The following MERTK variants were observed in gnomAD, a reference collection of about 807,000 sequenced individuals.
The protein encoded by MERTK is tyrosine-protein kinase Mer.
A neutral mutation model predicts 99.3 loss-of-function variants in MERTK; 69 were observed. That is an observed-to-expected ratio of 0.70 (90% CI 0.57 to 0.85). MERTK has a LOEUF of 0.85. MERTK is among the 40% of genes least tolerant of loss of function. The pLI is 0.00. For missense variants in MERTK, 1,125 were observed against 1,249.4 expected, an observed-to-expected ratio of 0.90 and a Z score of 1.50; for synonymous variants, 426 against 467.6, an observed-to-expected ratio of 0.91 and a Z score of 1.15.
chr2:111,964,683 G>A (rs1334834420), intron 4 of MERTK, among the ~76,000 whole-genome samples: 1 of 152,104 alleles, frequency 6.6e-6, no homozygotes, highest in Non-Finnish European at 1.5e-5. Flanking sequence ...ATAACGCCTT[G>A]CATTTATATG....
intron 2 of MERTK, 94 bp from the exon 3 acceptor site, chr2:111,944,866 C>T: frequency 4.8e-6 from 5 of 1,039,502 alleles, no homozygotes; most frequent in Non-Finnish European, 7.3e-6. Context: ...TTAACTATCA[C>T]AGCATATGAC....
chr2:111,947,893 T>C (rs879287207), intron 4 of MERTK, among the ~76,000 whole-genome samples: 1 of 152,148 alleles, frequency 6.6e-6, no homozygotes, highest in Admixed American at 6.5e-5. Flanking sequence ...TGTCAGGTCT[T>C]GCGTTTATGG....
In MERTK at chr2:111,975,333, T is replaced by G; in HGVS notation, c.1005T>G (p.Phe335Leu). The change falls in exon 7 of 19, where the codon TTT becomes TTG. Residue 335 changes from phenylalanine to leucine, a missense_variant. Phe to Leu is a conservative substitution (Grantham distance 22). Coordinates refer to ENST00000295408, the MANE Select transcript of MERTK (RefSeq NM_006343.3). ...DPLSNGSVMI[F>L]NTSALPHLYQ... ...TGAGTAATGGCTCAGTCATGATTTT[T>G]AACACCTCTGCCTTACCACATCTGT... is the stretch of plus-strand genomic sequence containing the variant. 1 of 1,614,230 alleles carries G rather than the reference T, an allele frequency of 6.2e-7. No homozygotes were observed. The highest frequency in any genetic ancestry group is 1.3e-5 in the African/African-American group (1 of 75,060).
chr2:112,028,715 G>A lies in MERTK; in HGVS notation c.2851G>A (p.Ala951Thr), dbSNP rs148261231. The A allele has an allele frequency of 4.8e-4, 776 of 1,614,218 alleles. 5 individuals carry two copies. The African/African-American group carries it at 9.0e-3, about 19-fold the overall frequency. ...LTSAPSAAVT[A>T]EKNSVLPGER... ...TTCTGCCCCCTCTGCTGCAGTCACAGCTGAAAAGAACAGTGTTTTACCGGG... is the reference window on the plus strand; with the variant it reads ...TTCTGCCCCCTCTGCTGCAGTCACAACTGAAAAGAACAGTGTTTTACCGGG... Residue 951 changes from alanine (A) to threonine (T), a missense_variant, in exon 19 of 19, where the codon GCT (alanine) becomes ACT (threonine). Transcript: ENST00000295408.
chr2:112,008,618 C>G, intron 14 of MERTK, 143 bp downstream of exon 14: 1 of 765,586 alleles, frequency 1.3e-6, no homozygotes, highest in South Asian at 1.4e-5. Flanking sequence ...TTCACCCAGA[C>G]TTTTCTTCAT....
Position 111,994,615 on chromosome 2 carries a change from T to C in MERTK, c.1450+211T>C, listed in dbSNP as rs1558800607. 4 of 640,534 alleles carry C rather than the reference T, an allele frequency of 6.2e-6. No individual in the cohort carries two copies. In the East Asian group the frequency reaches 1.3e-4, roughly 21 times the overall value. The allele number at this position is 640,534 out of a possible 1,614,324, so 39.7% of individuals were successfully genotyped here. ...TGAGACCCTGTCTCTACAAAAAATA[T>C]ATGTATTTTTAAAATTTGCTGGGCA... On this transcript the variant is annotated intron_variant, in intron 9 of 18. Coordinates refer to ENST00000295408, the MANE Select transcript of MERTK (RefSeq NM_006343.3).
In MERTK at chr2:112,029,098, A is replaced by T. The variant is rs1301025697; in HGVS notation, c.*234A>T. 3 of 1,224,496 alleles carry T rather than the reference A, an allele frequency of 2.4e-6. No individual in the cohort carries two copies. The highest frequency in any genetic ancestry group is 3.1e-6 in the Non-Finnish European group (3 of 974,586). The allele number at this position is 1,224,496 out of a possible 1,614,324, so 75.9% of individuals were successfully genotyped here. On this transcript the variant is annotated 3_prime_UTR_variant, in exon 19 of 19. Transcript: ENST00000295408. ...AAAGACAAGGATATTTTAATAAAAC[A>T]TTACTTATTTCATTTCACTTATCTT...
At chr2:111,957,990 C>T (rs1267674822) in intron 4 of MERTK, among the ~76,000 whole-genome samples, 1 of 152,120 alleles carries the variant, frequency 6.6e-6, no homozygotes, top group Non-Finnish European at 1.5e-5. Flanking sequence ...ACTGAATGTT[C>T]CTTAAAAATA....
chr2:111,980,549 G>A (rs1322230303), intron 7 of MERTK, among the ~76,000 whole-genome samples: 2 of 151,094 alleles, frequency 1.3e-5, no homozygotes, highest in Admixed American at 1.3e-4. Flanking sequence ...CTCCTGAGTA[G>A]CTGGGACTAC....
At position 111,946,982 on chromosome 2, in the gene MERTK, T is replaced by A. The variant is rs536994059; in HGVS notation, c.584-412T>A. 9.2e-5 allele frequency among the ~76,000 whole-genome samples: 14 copies of A among 152,308 alleles called. No homozygotes were observed. In the South Asian group the frequency reaches 2.9e-3, roughly 32 times the overall value. On this transcript the variant is annotated intron_variant, in intron 3 of 18. Coordinates refer to ENST00000295408, the MANE Select transcript of MERTK (RefSeq NM_006343.3). Reference sequence around the variant, plus strand: ...GCCTGAGGCTGTAGATAAAGAACTCTTGTTTGCCAAGGCTGGGCGCGGTGG... The same window carrying A: ...GCCTGAGGCTGTAGATAAAGAACTCATGTTTGCCAAGGCTGGGCGCGGTGG...
intron 3 of MERTK, 80 bp downstream of exon 3, chr2:111,945,140 C>G (rs1684942210): frequency 8.7e-7 from 1 of 1,155,328 alleles, no homozygotes; most frequent in South Asian, 1.3e-5. Flanking sequence ...GTATAATACT[C>G]TAGAGTTTTG....
At chr2:111,997,826 C>T (rs1242175770) in intron 10 of MERTK, among the ~76,000 whole-genome samples, 4 of 152,144 alleles carry the variant, frequency 2.6e-5, no homozygotes, top group Admixed American at 1.3e-4. Context: ...CCAAGGCAGG[C>T]GGATCACTTG....
intron 4 of MERTK, among the ~76,000 whole-genome samples, chr2:111,960,151 A>G (rs1685218667): frequency 6.6e-6 from 1 of 152,120 alleles, no homozygotes; most frequent in Admixed American, 6.5e-5. Context: ...GCTGTGGTGC[A>G]TTGTCTTGGG....
intron 8 of MERTK, among the ~76,000 whole-genome samples, chr2:111,989,723 G>T (rs549095718): frequency 1.3e-5 from 2 of 152,154 alleles, no homozygotes; most frequent in Admixed American, 6.5e-5. Flanking sequence ...AAGTACCACC[G>T]CAGTTGCCCT....
At chr2:112,018,652 G>A (rs1677266476) in intron 15 of MERTK, among the ~76,000 whole-genome samples, 1 of 152,044 alleles carries the variant, frequency 6.6e-6, no homozygotes. Flanking sequence ...TTTTCTGCAG[G>A]GCCATGATTG....
chr2:111,998,981 T>C (rs1246970176), intron 10 of MERTK, among the ~76,000 whole-genome samples: 1 of 152,192 alleles, frequency 6.6e-6, no homozygotes, highest in African/African-American at 2.4e-5. Context: ...AATACTTTTA[T>C]TTTTACTTAT....
intron 18 of MERTK, 157 bp from the exon 19 acceptor site, chr2:112,028,194 T>C: frequency 5.0e-6 from 4 of 802,054 alleles, no homozygotes; most frequent in Non-Finnish European, 7.9e-6. Context: ...AAAAGTTGTA[T>C]AAATATTAGG....
At chr2:111,907,765 A>T (rs1234608169) in intron 1 of MERTK, among the ~76,000 whole-genome samples, 1 of 152,250 alleles carries the variant, frequency 6.6e-6, no homozygotes, top group Non-Finnish European at 1.5e-5. Context: ...TTGGAAATTT[A>T]AAAAATATTT....
At position 112,008,628 on chromosome 2, in the gene MERTK, T is replaced by G. The variant is rs150273213; in HGVS notation, c.1960+153T>G. On this transcript the variant is annotated intron_variant, in intron 14 of 18. Coordinates refer to ENST00000295408, the MANE Select transcript of MERTK (RefSeq NM_006343.3). ...AGGTTTTCACCCAGACTTTTCTTCATAATGATGTTTTCTGAGGCTAATAGT... is the reference window on the plus strand; with the variant it reads ...AGGTTTTCACCCAGACTTTTCTTCAGAATGATGTTTTCTGAGGCTAATAGT... The G allele has an allele frequency of 1.7e-5, 13 of 748,960 alleles. No individual in the cohort carries two copies. The East Asian group carries it at 3.2e-4, about 19-fold the overall frequency. The allele number at this position is 748,960 out of a possible 1,614,324, so 46.4% of individuals were successfully genotyped here. A position where few individuals can be genotyped will look rare whatever the true frequency, so the allele number is the denominator to read the frequency against.
Sources: allele counts gnomAD v4.1 joint callset (sites outside exome capture counted in the v4.1 genomes callset), GRCh38; gene constraint gnomAD v4.1.1; transcripts MANE v1.5; gene names NCBI Gene and HGNC (gene_info 2026-07-23, HGNC 2026-07-21).